The following PKHD1 variants were observed in gnomAD, a reference collection of about 807,000 sequenced individuals.
The protein encoded by PKHD1 is PKHD1 ciliary IPT domain containing fibrocystin/polyductin.
In PKHD1, 291 loss-of-function variants were observed where a neutral mutation model predicts 412.0. The ratio of observed to expected loss-of-function variants is 0.71; its 90% CI spans 0.64 to 0.78. The LOEUF (loss-of-function observed/expected upper bound fraction) is 0.78, where lower values mean the gene tolerates loss of function less well. Among genes scored for constraint, PKHD1 ranks in the 30% least tolerant of loss-of-function variants. PKHD1 has a pLI of 0.00. For synonymous variants in PKHD1, 1,777 were observed against 1,821.5 expected (o/e 0.98, Z 0.62); for missense variants, 4,825 against 4,950.7 (o/e 0.97, Z 0.76).
Position 51,800,090 on chromosome 6 carries a change from T to A in PKHD1, c.8303-8717A>T, listed in dbSNP as rs7762885. 6.3e-3 allele frequency among the ~76,000 whole-genome samples: 956 copies of A among 152,274 alleles called. 14 individuals are homozygous for A. Among genetic ancestry groups the A allele is most frequent in the African/African-American group, 0.022 (900 of 41,558 alleles). ...GGAAAGAGGCTCCAAAAAGAATTAATGAGTTCCAGATGTAATTAAAGACTG... is the reference window on the plus strand; with the variant it reads ...GGAAAGAGGCTCCAAAAAGAATTAAAGAGTTCCAGATGTAATTAAAGACTG... On this transcript the variant is annotated intron_variant, in intron 52 of 66. Transcript: ENST00000371117.
chr6:51,865,042 G>C (rs866581540), intron 48 of PKHD1, among the ~76,000 whole-genome samples: 4 of 152,260 alleles, frequency 2.6e-5, no homozygotes, highest in Middle Eastern at 3.4e-3. Context: ...ATGTGTTTCT[G>C]ATATGAGGTC....
intron 37 of PKHD1, among the ~76,000 whole-genome samples, chr6:51,919,817 T>C (rs1784414578): frequency 6.6e-6 from 1 of 152,216 alleles, no homozygotes; most frequent in South Asian, 2.1e-4. Context: ...AGCAGTGGGG[T>C]TTGTAGTTCT....
intron 63 of PKHD1, among the ~76,000 whole-genome samples, chr6:51,644,417 G>A (rs2580012): frequency 0.043 from 6,567 of 152,200 alleles, 240 homozygotes; most frequent in African/African-American, 0.093. Context: ...GACGAGGCAC[G>A]TCTATGATTG....
chr6:51,723,341 C>G (rs999821382), intron 60 of PKHD1, among the ~76,000 whole-genome samples: 1 of 152,152 alleles, frequency 6.6e-6, no homozygotes, highest in African/African-American at 2.4e-5. Flanking sequence ...CTCCTTAACA[C>G]AAACAGAGAA....
chr6:51,964,702 A>T (rs949041900), intron 35 of PKHD1, among the ~76,000 whole-genome samples: 4 of 152,118 alleles, frequency 2.6e-5, no homozygotes, highest in African/African-American at 9.7e-5. Context: ...TAATAACTGA[A>T]ATAATATGAT....
At chr6:51,963,993 A>T (rs1448772102) in intron 35 of PKHD1, among the ~76,000 whole-genome samples, 4 of 152,042 alleles carry the variant, frequency 2.6e-5, no homozygotes, top group African/African-American at 9.7e-5. Context: ...CAGCCGTGAA[A>T]ATAGAGATAC....
At chr6:52,072,026 G>C in intron 8 of PKHD1, 89 bp downstream of exon 8, 1 of 809,186 alleles carries the variant, frequency 1.2e-6, no homozygotes, top group East Asian at 2.4e-5. Context: ...TATGGTGAGT[G>C]GGGAGAGAAA....
chr6:51,870,444 A>G (rs1775798246), intron 47 of PKHD1, 60 bp downstream of exon 47: 13 of 1,341,618 alleles, frequency 9.7e-6, no homozygotes, highest in Non-Finnish European at 1.4e-5. Flanking sequence ...GCCACTATTT[A>G]TAATACTGAC....
chr6:51,776,743 A>G (rs182094822), intron 53 of PKHD1, among the ~76,000 whole-genome samples: 151 of 152,204 alleles, frequency 9.9e-4, no homozygotes, highest in Middle Eastern at 3.4e-3. Flanking sequence ...AACAGATAAG[A>G]GGTTATTTTC....
At position 51,659,439 on chromosome 6, in the gene PKHD1, A is replaced by G. The variant is rs1416203247; in HGVS notation, c.10687T>C (p.Leu3563=). The G allele has an allele frequency of 6.2e-7, 1 of 1,613,778 alleles. No individual in the cohort carries two copies. Among genetic ancestry groups the G allele is most frequent in the East Asian group, 2.2e-5 (1 of 44,844 alleles). The stretch of plus-strand genomic sequence containing the variant: ...ACTGAAACCATCACAGTGAGGGCCA[A>G]GTGAATGGAAACACCTGAGCGTATT... The part of the protein sequence containing the change: ...IEIRSGVSIH[L]ALTVMVSVLE... The change falls in exon 61 of 67, where the codon TTG becomes CTG. Residue 3563 remains leucine, a synonymous_variant. Transcript: ENST00000371117.
At chr6:51,741,143 A>G (rs376901151) in intron 60 of PKHD1, 47 of 518,874 alleles carry the variant, frequency 9.1e-5, no homozygotes, top group Non-Finnish European at 1.6e-4. Context: ...ACCAGCAGCA[A>G]GAACATATTT....
In PKHD1 at chr6:51,981,318, T is replaced by G. The variant is rs866583724; in HGVS notation, c.5752-21292A>C. The stretch of plus-strand genomic sequence containing the variant: ...GAGGCTCCAAAGCTCAAGCTCTCCC[T>G]CTCCCTCTCCCTCTCCCTCTCCCTC... On this transcript the variant is annotated intron_variant, in intron 35 of 66. Transcript: ENST00000371117. Among the ~76,000 whole-genome samples the G allele has an allele frequency of 2.5e-3, 28 of 11,162 alleles. 1 individual carries two copies. Among genetic ancestry groups the G allele is most frequent in the Non-Finnish European group, 7.3e-3 (19 of 2,596 alleles). The allele number at this position is 11,162 out of a possible 152,430, so 7.3% of individuals were successfully genotyped here.
intron 23 of PKHD1, among the ~76,000 whole-genome samples, chr6:52,047,712 G>C (rs1157030597): frequency 6.6e-6 from 1 of 152,130 alleles, no homozygotes; most frequent in Non-Finnish European, 1.5e-5. Flanking sequence ...GAAGAGGACT[G>C]ACCCAGGAAT....
At position 52,062,558 on chromosome 6, in the gene PKHD1, G is replaced by A. The variant is rs1410403281; in HGVS notation, c.1079C>T (p.Ser360Phe). The change falls in exon 14 of 67, where the codon TCT becomes TTT. Residue 360 changes from serine (S) to phenylalanine (F), a missense_variant. Ser to Phe is a radical substitution (Grantham distance 155). Coordinates refer to ENST00000371117, the MANE Select transcript of PKHD1 (RefSeq NM_138694.4). ...TTCCTGTGACCAAAACCCAAATGGA[G>A]AACTGGCATTAGGGACAATCTGCCA... The part of the protein sequence containing the change: ...YRWQIVPNAS[S>F]PFGFWSQEGQ... 6.2e-7 allele frequency: 1 copy of A among 1,614,164 alleles called. No homozygotes were observed. Among genetic ancestry groups the A allele is most frequent in the Non-Finnish European group, 8.5e-7 (1 of 1,179,998 alleles).
At chr6:51,826,659 C>T (rs1044391947) in intron 52 of PKHD1, among the ~76,000 whole-genome samples, 1 of 152,168 alleles carries the variant, frequency 6.6e-6, no homozygotes, top group African/African-American at 2.4e-5. Context: ...GTCAGATACA[C>T]TTACTTGTTG....
intron 52 of PKHD1, among the ~76,000 whole-genome samples, chr6:51,799,229 A>G (rs1795042435): frequency 6.6e-6 from 1 of 152,208 alleles, no homozygotes; most frequent in South Asian, 2.1e-4. Flanking sequence ...GGAAAAGTAT[A>G]GAATGAAGAC....
At chr6:52,030,268 T>C (rs1802841488) in intron 29 of PKHD1, among the ~76,000 whole-genome samples, 2 of 152,220 alleles carry the variant, frequency 1.3e-5, no homozygotes, top group South Asian at 4.1e-4. Context: ...TCTGTGACTT[T>C]GGGTGATTTA....
Position 51,887,192 on chromosome 6 carries a change from G to T in PKHD1, c.7050C>A (p.Asn2350Lys), listed in dbSNP as rs762000259. ...GYGYFFHLMT[N>K]QTSQAPLLSF... ...AAAGAAGCGGAGCTTGTGATGTTTG[G>T]TTGGTCATGAGATGGAAAAAGTAGC... The change falls in exon 44 of 67, where the codon AAC becomes AAA. Residue 2350 changes from asparagine (N) to lysine (K), a missense_variant. Coordinates refer to ENST00000371117, the MANE Select transcript of PKHD1 (RefSeq NM_138694.4). 10 of 1,613,560 alleles carry T rather than the reference G, an allele frequency of 6.2e-6. No individual in the cohort carries two copies. In the South Asian group the frequency reaches 1.1e-4, roughly 18 times the overall value.
At chr6:51,950,220 A>AAAAAAAAAAATATATATATAT in intron 36 of PKHD1, among the ~76,000 whole-genome samples, 2 of 98,324 alleles carry the variant, frequency 2.0e-5, no homozygotes, top group Admixed American at 1.3e-4. Flanking sequence ...GAAAAAAAAA[A>AAAAAAAAAAATATATATATAT]ATATATATAT....
Sources: gnomAD v4.1 joint callset for allele counts (sites outside exome capture counted in the v4.1 genomes callset) on GRCh38, gnomAD v4.1.1 for gene constraint, MANE v1.5 for transcripts, NCBI Gene and HGNC (gene_info 2026-07-23, HGNC 2026-07-21) for gene names.